THSD7A: variants seen among roughly 807,000 people sequenced by gnomAD.
THSD7A encodes the protein thrombospondin type 1 domain containing 7A.
Under a neutral mutation model 231.3 loss-of-function variants are expected in THSD7A, and 96 were observed. The observed-to-expected ratio is 0.41, with a 90% confidence interval of 0.35 to 0.49. The LOEUF is 0.49. Ranked by LOEUF, THSD7A falls within the 20% of genes least tolerant of loss-of-function variation. The pLI, the probability that THSD7A is intolerant of heterozygous loss-of-function variation, is 0.05. For synonymous variants in THSD7A, 940 were observed against 743.3 expected (o/e 1.26, Z -4.30); for missense variants, 2,290 against 2,070.2 (o/e 1.11, Z -2.06).
intron 4 of THSD7A, among the ~76,000 whole-genome samples, chr7:11,577,786 T>G (rs887319990): frequency 5.9e-5 from 9 of 151,938 alleles, no homozygotes; most frequent in Admixed American, 6.6e-5. Context: ...TGAGCAATGG[T>G]GAAAGTGCTG....
At chr7:11,562,674 A>G (rs2128330345) in intron 4 of THSD7A, among the ~76,000 whole-genome samples, 1 of 152,348 alleles carries the variant, frequency 6.6e-6, no homozygotes, top group Admixed American at 6.5e-5. Flanking sequence ...AAGAGATTCC[A>G]AAGACCGACA....
At chr7:11,375,946 G>A (rs1362267924) in intron 27 of THSD7A, 68 bp from the exon 28 acceptor site, 24 of 1,456,608 alleles carry the variant, frequency 1.6e-5, no homozygotes, top group Admixed American at 1.1e-4. Context: ...TGCTTTAAGC[G>A]AAAAAAAAGT....
intron 1 of THSD7A, among the ~76,000 whole-genome samples, chr7:11,730,744 C>T (rs1419963153): frequency 6.6e-6 from 1 of 151,554 alleles, no homozygotes; most frequent in Non-Finnish European, 1.5e-5. Context: ...CTAGGAGTCA[C>T]CCATTTTTGA....
At chr7:11,751,711 G>C (rs1228028119) in intron 1 of THSD7A, among the ~76,000 whole-genome samples, 1 of 151,906 alleles carries the variant, frequency 6.6e-6, no homozygotes, top group Non-Finnish European at 1.5e-5. Context: ...CAAAGTTTTA[G>C]ACTTTACGGT....
At chr7:11,810,311 G>A (rs975484511) in intron 1 of THSD7A, among the ~76,000 whole-genome samples, 6 of 152,058 alleles carry the variant, frequency 3.9e-5, no homozygotes, top group Non-Finnish European at 7.4e-5. Context: ...TCAGAGTTTT[G>A]CACATCCTTT....
At chr7:11,644,310 A>G (rs1782202218) in intron 1 of THSD7A, among the ~76,000 whole-genome samples, 2 of 152,028 alleles carry the variant, frequency 1.3e-5, no homozygotes, top group South Asian at 4.1e-4. Flanking sequence ...TGTCCCATTC[A>G]AAATTATACT....
At chr7:11,582,852 A>G (rs1005805816) in intron 4 of THSD7A, among the ~76,000 whole-genome samples, 3 of 152,058 alleles carry the variant, frequency 2.0e-5, no homozygotes, top group African/African-American at 7.2e-5. Context: ...CTGAAATTTC[A>G]CTACATTGTC....
chr7:11,714,163 ATTTAAACCTC>A (rs1448185036), intron 1 of THSD7A, among the ~76,000 whole-genome samples: 2 of 151,264 alleles, frequency 1.3e-5, no homozygotes, highest in African/African-American at 4.8e-5. Context: ...ATCTTGCAGC[ATTTAAACCTC>A]TAAATGTGTT....
chr7:11,417,602 A>C lies in THSD7A; in HGVS notation c.3385T>G (p.Cys1129Gly), dbSNP rs1254977062. Residue 1129 changes from cysteine (C) to glycine (G), a missense_variant and splice_region_variant, in exon 17 of 28, where the codon TGC becomes GGC. By Grantham distance (159) the Cys-to-Gly change is radical (BLOSUM62 -3). Coordinates refer to ENST00000423059, the MANE Select transcript of THSD7A (RefSeq NM_015204.3). The part of the protein sequence containing the change: ...GEGVQTRKVR[C>G]MQNTADGPSE... The stretch of plus-strand genomic sequence containing the variant: ...GGGCCATCTGCTGTATTCTGCATGC[A>C]TCTAGAAAAGAACATAAACATATTC... The C allele has an allele frequency of 6.3e-7, 1 of 1,596,224 alleles. No homozygotes were observed. The highest frequency in any genetic ancestry group is 1.9e-5 in the Admixed American group (1 of 53,976).
At position 11,590,703 on chromosome 7, in the gene THSD7A, C is replaced by T; in HGVS notation, c.1272-62G>A. On this transcript the variant is annotated intron_variant, in intron 3 of 27. Coordinates refer to ENST00000423059, the MANE Select transcript of THSD7A (RefSeq NM_015204.3). The surrounding 1 kb of genome is among the most constrained non-coding windows in gnomAD (Gnocchi z 4.4). ...TATTGAATGACGTGTTTCTCTACTC[C>T]TGTCATACTTTGTTTTAACGAAAAT... 5 of 1,502,688 alleles carry T rather than the reference C, an allele frequency of 3.3e-6. No individual in the cohort carries two copies. The highest frequency in any genetic ancestry group is 4.5e-6 in the Non-Finnish European group (5 of 1,121,818). 93.1% of individuals were successfully genotyped at this position (1,502,688 alleles called of 1,614,324 possible).
In THSD7A at chr7:11,460,768, A is replaced by G; in HGVS notation, c.2502-3T>C. On this transcript the variant is annotated splice_region_variant and splice_polypyrimidine_tract_variant and intron_variant, in intron 10 of 27. Transcript: ENST00000423059. ...TGCGCCATTTGTGAGTCTTCCACCT[A>G]CAAGACAGGAACAGAAGCCCAGTGG... The G allele has an allele frequency of 6.2e-7, 1 of 1,610,122 alleles. No homozygotes were observed.
At chr7:11,499,645 T>G (rs182029564) in intron 6 of THSD7A, among the ~76,000 whole-genome samples, 2 of 152,216 alleles carry the variant, frequency 1.3e-5, no homozygotes, top group East Asian at 3.9e-4. Flanking sequence ...CAGACAGAGC[T>G]GAATAACACA....
At chr7:11,796,567 A>G (rs1269243225) in intron 1 of THSD7A, among the ~76,000 whole-genome samples, 1 of 151,990 alleles carries the variant, frequency 6.6e-6, no homozygotes. Flanking sequence ...TGATGTTTTC[A>G]ATAAAATGTG....
At chr7:11,383,466 AAT>A (rs1782605568) in intron 23 of THSD7A, among the ~76,000 whole-genome samples, 1 of 151,978 alleles carries the variant, frequency 6.6e-6, no homozygotes, top group African/African-American at 2.4e-5. Flanking sequence ...CTAGAAGGGA[AAT>A]TTCTTGGTAT....
chr7:11,695,665 G>T (rs1780369616), intron 1 of THSD7A, among the ~76,000 whole-genome samples: 1 of 151,466 alleles, frequency 6.6e-6, no homozygotes, highest in African/African-American at 2.4e-5. Flanking sequence ...AGATAATATG[G>T]AAAACTAAAC....
In THSD7A at chr7:11,637,777, A is replaced by G. The variant is rs1479711273; in HGVS notation, c.191-816T>C. On this transcript the variant is annotated intron_variant, in intron 1 of 27. Transcript: ENST00000423059. The surrounding 1 kb of genome is among the most constrained non-coding windows in gnomAD (Gnocchi z 4.2). ...CTTAAATCAGTGGCTTTAATATGAA[A>G]TATGGGTTTTTTTCTGTGAAATCCT... 6.6e-6 allele frequency among the ~76,000 whole-genome samples: 1 copy of G among 152,166 alleles called. No individual in the cohort carries two copies. The highest frequency in any genetic ancestry group is 1.9e-4 in the East Asian group (1 of 5,196).
intron 6 of THSD7A, among the ~76,000 whole-genome samples, chr7:11,485,022 C>G (rs941596396): frequency 1.3e-5 from 2 of 151,522 alleles, no homozygotes; most frequent in Non-Finnish European, 2.9e-5. Flanking sequence ...TCCCATGTAG[C>G]TGGGACTACA....
chr7:11,685,908 C>A (rs923613958), intron 1 of THSD7A, among the ~76,000 whole-genome samples: 2 of 151,876 alleles, frequency 1.3e-5, no homozygotes, highest in Admixed American at 1.3e-4. Context: ...CAAAAAGACA[C>A]TTGTTTATTG....
chr7:11,756,408 G>C lies in THSD7A; in HGVS notation c.190+75349C>G, dbSNP rs905004345. ...GAGAAGAGGAGGAGAGAAAGAATGT[G>C]GGAAATACTTGGGGAGTAACTGAAA... On this transcript the variant is annotated intron_variant, in intron 1 of 27. Transcript: ENST00000423059. Among the ~76,000 whole-genome samples, 7 of 152,038 alleles carry C rather than the reference G, an allele frequency of 4.6e-5. No homozygotes were observed. In the South Asian group the frequency reaches 8.3e-4, roughly 18 times the overall value.
Sources: gnomAD v4.1 joint callset for allele counts (sites outside exome capture counted in the v4.1 genomes callset) on GRCh38, gnomAD v4.1.1 for gene constraint, Gnocchi (gnomAD v3.1) non-coding constraint, MANE v1.5 for transcripts, NCBI Gene and HGNC (gene_info 2026-07-23, HGNC 2026-07-21) for gene names.